Variants in PREX2 observed in about 807,000 individuals in gnomAD.
PREX2 encodes the protein phosphatidylinositol-3,4,5-trisphosphate dependent Rac exchange factor 2, also known as phosphatidylinositol 3,4,5-trisphosphate-dependent Rac exchanger 2 protein.
A neutral mutation model predicts 203.2 loss-of-function variants in PREX2; 107 were observed. That is an observed-to-expected ratio of 0.53 (90% CI 0.45 to 0.62). The LOEUF (loss-of-function observed/expected upper bound fraction) is 0.62, where lower values mean the gene tolerates loss of function less well. PREX2 is among the 20% of genes least tolerant of loss of function. The pLI, the probability that PREX2 is intolerant of heterozygous loss-of-function variation, is 0.00. For synonymous variants in PREX2, 672 were observed against 663.6 expected, an observed-to-expected ratio of 1.01 and a Z score of -0.19; for missense variants, 1,777 against 1,955.9, an observed-to-expected ratio of 0.91 and a Z score of 1.72.
intron 39 of PREX2, among the ~76,000 whole-genome samples, chr8:68,226,242 A>T (rs1458449266): frequency 6.6e-6 from 1 of 152,204 alleles, no homozygotes; most frequent in Non-Finnish European, 1.5e-5. Context: ...GCTATGCCCC[A>T]AGGAGAGTAT....
intron 23 of PREX2, chr8:68,105,520 C>T (rs571984094): frequency 1.7e-5 from 20 of 1,155,400 alleles, no homozygotes; most frequent in African/African-American, 1.1e-4. Context: ...CAGCTCTCCC[C>T]GATTACTCCA....
At chr8:67,996,526 A>G (rs952811267) in intron 1 of PREX2, among the ~76,000 whole-genome samples, 7 of 152,182 alleles carry the variant, frequency 4.6e-5, no homozygotes, top group Non-Finnish European at 8.8e-5. Context: ...TTCTTCATAT[A>G]TTCTACATAA....
chr8:68,088,275 GACT>G (rs1809763189), intron 19 of PREX2, among the ~76,000 whole-genome samples: 2 of 152,070 alleles, frequency 1.3e-5, no homozygotes, highest in African/African-American at 4.8e-5. Context: ...TAATTTTAGT[GACT>G]AAAAAGTTAT....
intron 35 of PREX2, among the ~76,000 whole-genome samples, chr8:68,186,324 T>C (rs1269380408): frequency 6.6e-6 from 1 of 152,222 alleles, no homozygotes; most frequent in Admixed American, 6.5e-5. Flanking sequence ...TTTTATTGCT[T>C]TCCATTACCA....
At chr8:68,128,667 G>A (rs62522676) in intron 31 of PREX2, among the ~76,000 whole-genome samples, 1 of 152,098 alleles carries the variant, frequency 6.6e-6, no homozygotes, top group East Asian at 1.9e-4. Flanking sequence ...GATTTGCAGG[G>A]TTCCAGGAAG....
intron 1 of PREX2, among the ~76,000 whole-genome samples, chr8:67,971,941 G>A (rs888967363): frequency 6.6e-6 from 1 of 152,144 alleles, no homozygotes; most frequent in Non-Finnish European, 1.5e-5. Flanking sequence ...TCCCATGGAG[G>A]ACTGATGTAT....
chr8:67,988,189 C>T (rs1806492739), intron 1 of PREX2, among the ~76,000 whole-genome samples: 1 of 152,180 alleles, frequency 6.6e-6, no homozygotes, highest in African/African-American at 2.4e-5. Flanking sequence ...ATCTGCCTCT[C>T]CTAAATTCTG....
At chr8:68,112,907 C>T (rs752041070) in intron 25 of PREX2, among the ~76,000 whole-genome samples, 3 of 152,166 alleles carry the variant, frequency 2.0e-5, no homozygotes, top group Non-Finnish European at 4.4e-5. Context: ...GAAAGCTGAA[C>T]AGATGTTAGC....
At chr8:68,093,846 C>A in intron 21 of PREX2, 124 bp downstream of exon 21, 2 of 501,516 alleles carry the variant, frequency 4.0e-6, no homozygotes, top group East Asian at 3.0e-5. Flanking sequence ...TATCACCAAA[C>A]AGATGTCTGT....
chr8:68,206,331 T>C (rs1307368488), intron 37 of PREX2, among the ~76,000 whole-genome samples: 2 of 152,178 alleles, frequency 1.3e-5, no homozygotes, highest in Admixed American at 6.5e-5. Context: ...GAATGTTCAG[T>C]TGAAATCTGT....
Position 68,038,161 on chromosome 8 carries a change from G to A in PREX2, c.708G>A (p.Gly236=), listed in dbSNP as rs777895978. 6.2e-6 allele frequency: 10 copies of A among 1,613,238 alleles called. No individual in the cohort carries two copies. The East Asian group carries it at 2.0e-4, about 32-fold the overall frequency. Reference sequence around the variant, plus strand: ...TAATTGCATTTCTCCTGACTTAGGGGTCCAACATCACTGACACCTGCACTG... The same window carrying A: ...TAATTGCATTTCTCCTGACTTAGGGATCCAACATCACTGACACCTGCACTG... ...EWQSHIEGWE[G]SNITDTCTEM... The change falls in exon 7 of 40, where the codon GGG becomes GGA. Residue 236 remains glycine (G), a splice_region_variant and synonymous_variant. Coordinates refer to ENST00000288368, the MANE Select transcript of PREX2 (RefSeq NM_024870.4).
intron 37 of PREX2, among the ~76,000 whole-genome samples, chr8:68,197,745 CTA>C (rs1026575955): frequency 1.6e-4 from 23 of 146,212 alleles, no homozygotes; most frequent in East Asian, 5.9e-4. Context: ...AATATATATG[CTA>C]TATATATATG....
chr8:68,023,085 T>C (rs1323533611), intron 4 of PREX2, among the ~76,000 whole-genome samples: 1 of 152,180 alleles, frequency 6.6e-6, no homozygotes, highest in Non-Finnish European at 1.5e-5. Context: ...AATGCTGTTA[T>C]CAGCATTTAT....
At chr8:67,993,648 T>A (rs1231836256) in intron 1 of PREX2, among the ~76,000 whole-genome samples, 1 of 152,154 alleles carries the variant, frequency 6.6e-6, no homozygotes, top group Admixed American at 6.6e-5. Context: ...CCTCAGGTGA[T>A]CTACCTGCCT....
intron 35 of PREX2, among the ~76,000 whole-genome samples, chr8:68,172,227 A>G (rs1811890366): frequency 6.6e-6 from 1 of 152,230 alleles, no homozygotes; most frequent in African/African-American, 2.4e-5. Context: ...ATTAGTTTAT[A>G]ATGCTTGAAA....
chr8:68,200,123 A>G (rs1443338197), intron 37 of PREX2, among the ~76,000 whole-genome samples: 1 of 152,194 alleles, frequency 6.6e-6, no homozygotes, highest in Non-Finnish European at 1.5e-5. Context: ...CCTGAATTTT[A>G]TATCACTAGA....
chr8:67,974,609 G>C (rs1257375171), intron 1 of PREX2, among the ~76,000 whole-genome samples: 2 of 152,020 alleles, frequency 1.3e-5, no homozygotes, highest in Admixed American at 1.3e-4. Context: ...AAAATAATTG[G>C]GTTGGCCAAG....
intron 1 of PREX2, among the ~76,000 whole-genome samples, chr8:68,017,578 T>C (rs1807442522): frequency 6.6e-6 from 1 of 152,222 alleles, no homozygotes; most frequent in African/African-American, 2.4e-5. Context: ...TCTAAATGCT[T>C]ACTTCACAAC....
chr8:68,207,128 A>G (rs1326325153), intron 37 of PREX2, among the ~76,000 whole-genome samples: 1 of 152,180 alleles, frequency 6.6e-6, no homozygotes, highest in Non-Finnish European at 1.5e-5. Context: ...AAGACTAATC[A>G]GTATGCTCTA....
Sources: gnomAD v4.1 joint callset for allele counts (sites outside exome capture counted in the v4.1 genomes callset) on GRCh38, gnomAD v4.1.1 for gene constraint, MANE v1.5 for transcripts, NCBI Gene and HGNC (gene_info 2026-07-23, HGNC 2026-07-21) for gene names.